Variants in ADCY2 observed in about 807,000 individuals in gnomAD.
ADCY2 encodes the protein adenylate cyclase 2, also known as adenylate cyclase type 2.
Under a neutral mutation model 125.2 loss-of-function variants are expected in ADCY2, and 31 were observed. The ratio of observed to expected loss-of-function variants is 0.25; its 90% CI spans 0.19 to 0.33. The LOEUF (loss-of-function observed/expected upper bound fraction) is 0.33. Among genes scored for constraint, ADCY2 ranks in the 10% least tolerant of loss-of-function variants. ADCY2 has a pLI of 1.00. For synonymous variants in ADCY2, 512 were observed against 548.4 expected, an observed-to-expected ratio of 0.93 and a Z score of 0.93; for missense variants, 904 against 1,418.2, an observed-to-expected ratio of 0.64 and a Z score of 5.82.
At chr5:7,455,944 G>A (rs1326159618) in intron 2 of ADCY2, among the ~76,000 whole-genome samples, 2 of 148,784 alleles carry the variant, frequency 1.3e-5, no homozygotes, top group African/African-American at 4.9e-5. Flanking sequence ...AAGCATAGTA[G>A]GAATAACATT....
chr5:7,554,601 A>G (rs1057402795), intron 3 of ADCY2, among the ~76,000 whole-genome samples: 5 of 152,174 alleles, frequency 3.3e-5, no homozygotes, highest in African/African-American at 1.2e-4. Flanking sequence ...TTAAGGCCAA[A>G]AAGCATGTCT....
intron 3 of ADCY2, among the ~76,000 whole-genome samples, chr5:7,575,365 A>AT (rs1233232356): frequency 1.3e-5 from 2 of 152,132 alleles, no homozygotes; most frequent in African/African-American, 2.4e-5. Flanking sequence ...AAAAACCTCA[A>AT]TTTTAATTTA....
intron 2 of ADCY2, among the ~76,000 whole-genome samples, chr5:7,430,182 C>G (rs1740536255): frequency 1.3e-5 from 2 of 152,030 alleles, no homozygotes; most frequent in African/African-American, 2.4e-5. Context: ...TGAAATAGCT[C>G]TATATGTAGA....
At chr5:7,406,031 T>C (rs1419126275) in intron 1 of ADCY2, among the ~76,000 whole-genome samples, 1 of 151,972 alleles carries the variant, frequency 6.6e-6, no homozygotes, top group Non-Finnish European at 1.5e-5. Flanking sequence ...ACTAATTTTT[T>C]TTTTTTCTTG....
In ADCY2 at chr5:7,528,451, CA is replaced by C. The variant is rs375044843; in HGVS notation, c.570+7553del. On this transcript the variant is annotated intron_variant, in intron 3 of 24. Coordinates refer to ENST00000338316, the MANE Select transcript of ADCY2 (RefSeq NM_020546.3). ...GAATGAGACCTAGGTTCATTTTCAG[CA>C]TTTTGGAGCTGTTTTGTGGAGGGCA... 3.9e-5 allele frequency among the ~76,000 whole-genome samples: 6 copies of C among 152,206 alleles called. No homozygotes were observed. The East Asian group carries it at 1.2e-3, about 29-fold the overall frequency.
chr5:7,397,473 T>TTC (rs1313482396), intron 1 of ADCY2, among the ~76,000 whole-genome samples: 9 of 147,976 alleles, frequency 6.1e-5, no homozygotes, highest in Non-Finnish European at 1.2e-4. Flanking sequence ...TTTTTTTTTT[T>TTC]AGTCAGTGGT....
intron 2 of ADCY2, among the ~76,000 whole-genome samples, chr5:7,431,896 C>T (rs1740614884): frequency 6.6e-6 from 1 of 152,092 alleles, no homozygotes; most frequent in African/African-American, 2.4e-5. Context: ...GAGGGCCCCA[C>T]CCTCAAGCAT....
intron 1 of ADCY2, among the ~76,000 whole-genome samples, chr5:7,405,146 A>C (rs1012805466): frequency 3.9e-5 from 6 of 152,190 alleles, no homozygotes; most frequent in Non-Finnish European, 7.3e-5. Flanking sequence ...AATGTCAAGC[A>C]TACATGGGAT....
At chr5:7,541,004 A>G (rs980485) in intron 3 of ADCY2, among the ~76,000 whole-genome samples, 12,354 of 152,178 alleles carry the variant, frequency 0.081, 725 homozygotes, top group Non-Finnish European at 0.12. Flanking sequence ...TGTGCTTCCC[A>G]TACAATGGCC....
intron 2 of ADCY2, among the ~76,000 whole-genome samples, chr5:7,439,894 C>T (rs1740945593): frequency 8.8e-6 from 1 of 113,310 alleles, no homozygotes; most frequent in Admixed American, 9.2e-5. Flanking sequence ...AGGAGTTTAC[C>T]ACTCTACAGG....
chr5:7,743,715 C>G lies in ADCY2; in HGVS notation c.1919C>G (p.Ala640Gly). The change falls in exon 15 of 25, where the codon GCC becomes GGC. Residue 640 changes from alanine (A) to glycine (G), a missense_variant. Physicochemically the swap from Ala to Gly is moderately conservative, Grantham distance 60. This residue lies in a region of ADCY2 where 221 missense variants were observed against 246.2 expected (regional missense o/e 0.90). Coordinates refer to ENST00000338316, the MANE Select transcript of ADCY2 (RefSeq NM_020546.3). Reference sequence around the variant, plus strand: ...TTTGGGGCTGCGTTTCTCTTGCTGGCCTTCATCCTCTTCGTCTGCTTTGCT... The same window carrying G: ...TTTGGGGCTGCGTTTCTCTTGCTGGGCTTCATCCTCTTCGTCTGCTTTGCT... ...ISFGAAFLLL[A>G]FILFVCFAGQ... is the part of the protein sequence containing the mutation. 6.2e-7 allele frequency: 1 copy of G among 1,614,114 alleles called. No homozygotes were observed. Among genetic ancestry groups the G allele is most frequent in the Non-Finnish European group, 8.5e-7 (1 of 1,180,012 alleles).
At chr5:7,567,144 A>T (rs548920868) in intron 3 of ADCY2, among the ~76,000 whole-genome samples, 1 of 152,142 alleles carries the variant, frequency 6.6e-6, no homozygotes, top group Non-Finnish European at 1.5e-5. Context: ...AAATTTTTGT[A>T]TGTGTCTAAA....
intron 2 of ADCY2, among the ~76,000 whole-genome samples, chr5:7,469,925 A>G (rs1190923909): frequency 6.6e-6 from 1 of 151,448 alleles, no homozygotes; most frequent in African/African-American, 2.4e-5. Context: ...TACTTTCTAT[A>G]GGTTTTCATT....
rs192300199 is a variant in ADCY2, at chr5:7,731,855, G to A, written c.1871+4594G>A. On this transcript the variant is annotated intron_variant, in intron 14 of 24. Coordinates refer to ENST00000338316, the MANE Select transcript of ADCY2 (RefSeq NM_020546.3). ...TAGCCTCAAGCAATCCGCCTGCCTC[G>A]GCCTCCCAAAGTGTTGGGATTACAG... Among the ~76,000 whole-genome samples, 657 of 152,248 alleles carry A rather than the reference G, an allele frequency of 4.3e-3. 1 individual carries two copies. Among genetic ancestry groups the A allele is most frequent in the Admixed American group, 0.011 (161 of 15,300 alleles).
At chr5:7,690,540 C>T in intron 4 of ADCY2, 151 bp from the exon 5 acceptor site, 2 of 537,238 alleles carry the variant, frequency 3.7e-6, no homozygotes, top group Non-Finnish European at 5.9e-6. Context: ...TCTTTTTATT[C>T]CCAATATATA....
chr5:7,758,821 CGGAAG>C (rs1472861693), intron 16 of ADCY2, among the ~76,000 whole-genome samples: 2 of 151,884 alleles, frequency 1.3e-5, no homozygotes, highest in African/African-American at 4.8e-5. Context: ...GGCAGGTGGG[CGGAAG>C]GGGAGAAGGT....
At chr5:7,724,408 GT>G (rs371811181) in intron 12 of ADCY2, 136 bp from the exon 13 acceptor site, 161,981 of 542,424 alleles carry the variant, frequency 0.3, 1,615 homozygotes, top group Non-Finnish European at 0.31. Flanking sequence ...GGCATCACGT[GT>G]TTTTTTTTTT....
intron 7 of ADCY2, among the ~76,000 whole-genome samples, chr5:7,706,252 T>TA (rs1370335372): frequency 6.6e-6 from 1 of 152,248 alleles, no homozygotes; most frequent in Non-Finnish European, 1.5e-5. Flanking sequence ...ATTATTTTGC[T>TA]AAAAATTCTT....
In ADCY2 at chr5:7,802,460, A is replaced by G; in HGVS notation, c.2775+96A>G. 1 of 1,411,866 alleles carries G rather than the reference A, an allele frequency of 7.1e-7. No individual in the cohort carries two copies. The highest frequency in any genetic ancestry group is 1.5e-5 in the South Asian group (1 of 66,970). The allele number at this position is 1,411,866 out of a possible 1,614,324, so 87.5% of individuals were successfully genotyped here. A position where few individuals can be genotyped will look rare whatever the true frequency, so the allele number is the denominator to read the frequency against. On this transcript the variant is annotated intron_variant, in intron 21 of 24. Transcript: ENST00000338316. The surrounding 1 kb of genome is among the most constrained non-coding windows in gnomAD (Gnocchi z 4.6). Reference sequence around the variant, plus strand: ...TCAGGATAGTGGCCTATCCCAAAAAAACTTGTCCTTTGGCATAATTTCTGG... The same window carrying G: ...TCAGGATAGTGGCCTATCCCAAAAAGACTTGTCCTTTGGCATAATTTCTGG...
Sources: gnomAD v4.1 joint callset for allele counts (sites outside exome capture counted in the v4.1 genomes callset) on GRCh38, gnomAD v4.1.1 for gene constraint, gnomAD v4.1.1 regional missense constraint, Gnocchi (gnomAD v3.1) non-coding constraint, MANE v1.5 for transcripts, NCBI Gene and HGNC (gene_info 2026-07-23, HGNC 2026-07-21) for gene names.